CHSY3: variants seen among roughly 807,000 people sequenced by gnomAD.
CHSY3 encodes the protein N-acetylgalactosaminyl-proteoglycan 3-beta-glucuronosyltransferase 3.
In CHSY3, 35 loss-of-function variants were observed where a neutral mutation model predicts 67.2. The ratio of observed to expected loss-of-function variants is 0.52; its 90% confidence interval spans 0.40 to 0.69. The LOEUF (loss-of-function observed/expected upper bound fraction) is 0.69, where lower values mean the gene tolerates loss of function less well. Ranked by LOEUF, CHSY3 falls within the 30% of genes least tolerant of loss-of-function variation. CHSY3 has a pLI of 0.00. For synonymous variants in CHSY3, 474 were observed against 434.7 expected (o/e 1.09, Z -1.12); for missense variants, 1,069 against 1,138.5 (o/e 0.94, Z 0.88).
intron 2 of CHSY3, among the ~76,000 whole-genome samples, chr5:130,067,566 G>T (rs148790270): frequency 1.3e-5 from 2 of 152,180 alleles, no homozygotes; most frequent in African/African-American, 4.8e-5. Flanking sequence ...AAGCAGTAAA[G>T]GTACCTGTGC....
At chr5:130,001,776 G>A (rs1016254440) in intron 2 of CHSY3, 4 of 828,802 alleles carry the variant, frequency 4.8e-6, no homozygotes, top group African/African-American at 1.9e-5. Flanking sequence ...ACATGCCCTC[G>A]CTGATAGTTT....
intron 2 of CHSY3, among the ~76,000 whole-genome samples, chr5:130,010,662 A>T (rs1391851799): frequency 6.6e-6 from 1 of 152,162 alleles, no homozygotes; most frequent in Non-Finnish European, 1.5e-5. Flanking sequence ...GAAATGGAGT[A>T]TTGAAAAGTA....
intron 2 of CHSY3, among the ~76,000 whole-genome samples, chr5:129,979,028 G>A (rs1344245520): frequency 6.6e-6 from 1 of 151,006 alleles, no homozygotes; most frequent in South Asian, 2.1e-4. Flanking sequence ...GAAACCCCCT[G>A]TCTACTAAAA....
intron 2 of CHSY3, among the ~76,000 whole-genome samples, chr5:130,028,095 G>A (rs1764601726): frequency 6.6e-6 from 1 of 152,066 alleles, no homozygotes; most frequent in Admixed American, 6.6e-5. Flanking sequence ...ACTGCCCAAG[G>A]TAATTTGTAG....
At chr5:130,062,558 T>C (rs1323424780) in intron 2 of CHSY3, among the ~76,000 whole-genome samples, 2 of 151,128 alleles carry the variant, frequency 1.3e-5, no homozygotes, top group Non-Finnish European at 2.9e-5. Flanking sequence ...AATATGATAA[T>C]TTTTTTTGAC....
At chr5:130,089,414 A>G (rs978153842) in intron 2 of CHSY3, among the ~76,000 whole-genome samples, 1 of 151,874 alleles carries the variant, frequency 6.6e-6, no homozygotes, top group African/African-American at 2.4e-5. Flanking sequence ...TTTAAAAAGT[A>G]AAGTACAGAA....
At chr5:130,162,936 T>C (rs569113920) in intron 2 of CHSY3, among the ~76,000 whole-genome samples, 2 of 152,206 alleles carry the variant, frequency 1.3e-5, no homozygotes, top group East Asian at 1.9e-4. Flanking sequence ...CTCTGTGTAA[T>C]TGCAATTACC....
chr5:130,081,161 T>C (rs1766433343), intron 2 of CHSY3, among the ~76,000 whole-genome samples: 1 of 152,178 alleles, frequency 6.6e-6, no homozygotes, highest in South Asian at 2.1e-4. Context: ...CTTCCTGTGA[T>C]ATGAGTTCAG....
At chr5:130,123,927 C>G (rs530242224) in intron 2 of CHSY3, among the ~76,000 whole-genome samples, 1 of 143,792 alleles carries the variant, frequency 7.0e-6, no homozygotes, top group African/African-American at 2.6e-5. Flanking sequence ...GGTGTGGTGG[C>G]GGGGGCCTGT....
chr5:129,928,775 T>C (rs1234706901), intron 2 of CHSY3, among the ~76,000 whole-genome samples: 2 of 152,190 alleles, frequency 1.3e-5, no homozygotes, highest in African/African-American at 2.4e-5. Flanking sequence ...TATATTGATA[T>C]GTAGCTAAAA....
intron 2 of CHSY3, among the ~76,000 whole-genome samples, chr5:130,163,197 G>A (rs17769724): frequency 0.14 from 21,604 of 152,012 alleles, 2,880 homozygotes; most frequent in African/African-American, 0.32. Context: ...GTAGAATAAA[G>A]CTATTAGTGA....
intron 2 of CHSY3, among the ~76,000 whole-genome samples, chr5:130,011,921 C>A (rs904801272): frequency 8.5e-5 from 13 of 152,080 alleles, no homozygotes; most frequent in African/African-American, 3.1e-4. Flanking sequence ...TGAAAGATTT[C>A]TAAACAAGAA....
intron 2 of CHSY3, among the ~76,000 whole-genome samples, chr5:129,925,889 A>G (rs1761091557): frequency 8.9e-6 from 1 of 112,796 alleles, no homozygotes; most frequent in African/African-American, 2.8e-5. Flanking sequence ...GTGTGTGTAT[A>G]TATGTGTGTG....
At chr5:130,032,754 C>T (rs1764738794) in intron 2 of CHSY3, among the ~76,000 whole-genome samples, 1 of 152,148 alleles carries the variant, frequency 6.6e-6, no homozygotes. Context: ...GATAAACCTA[C>T]ACTCCTGAAG....
intron 2 of CHSY3, among the ~76,000 whole-genome samples, chr5:129,939,267 C>T (rs1195835531): frequency 3.9e-5 from 6 of 152,136 alleles, no homozygotes; most frequent in African/African-American, 1.4e-4. Flanking sequence ...TCACCTCCTA[C>T]CAGGCCCCTC....
At chr5:130,078,152 T>C (rs1766332752) in intron 2 of CHSY3, among the ~76,000 whole-genome samples, 1 of 152,086 alleles carries the variant, frequency 6.6e-6, no homozygotes, top group Admixed American at 6.6e-5. Flanking sequence ...TTGAATCAGA[T>C]TGTCTGATCC....
At chr5:130,034,636 A>G (rs1439837648) in intron 2 of CHSY3, among the ~76,000 whole-genome samples, 1 of 152,158 alleles carries the variant, frequency 6.6e-6, no homozygotes, top group Non-Finnish European at 1.5e-5. Context: ...AGGTGAGATA[A>G]ACAATTAAAA....
At position 130,185,146 on chromosome 5, in the gene CHSY3, C is replaced by A; in HGVS notation, c.2004C>A (p.Ser668Arg). The A allele has an allele frequency of 6.2e-7, 1 of 1,602,126 alleles. No individual in the cohort carries two copies. The highest frequency in any genetic ancestry group is 1.7e-4 in the Middle Eastern group (1 of 6,042). The part of the protein sequence containing the change: ...LFSRDSGQDS[S>R]KHIELIKGYQ... ...GTAGGGATTCTGGCCAAGACTCCAG[C>A]AAGCATATTGAGCTGATAAAAGGGT... The change falls in exon 3 of 3, where the codon AGC becomes AGA. Residue 668 changes from serine to arginine, a missense_variant. Coordinates refer to ENST00000305031, the MANE Select transcript of CHSY3 (RefSeq NM_175856.5).
chr5:130,098,471 A>C (rs1158484885), intron 2 of CHSY3, among the ~76,000 whole-genome samples: 1 of 151,976 alleles, frequency 6.6e-6, no homozygotes, highest in Non-Finnish European at 1.5e-5. Flanking sequence ...TTAAATTCTC[A>C]CTCTCTCTGC....
Sources: allele counts gnomAD v4.1 joint callset (sites outside exome capture counted in the v4.1 genomes callset), GRCh38; gene constraint gnomAD v4.1.1; transcripts MANE v1.5; gene names NCBI Gene and HGNC (gene_info 2026-07-23, HGNC 2026-07-21).